Variants in PLPP2 observed in about 807,000 individuals in gnomAD.
PLPP2 encodes the protein phospholipid phosphatase 2, also known as PAP2-gamma.
A neutral mutation model predicts 35.2 loss-of-function variants in PLPP2; 29 were observed. That is an observed-to-expected ratio of 0.82 (90% CI 0.61 to 1.12). The LOEUF (loss-of-function observed/expected upper bound fraction) is 1.12. Ranked by LOEUF, PLPP2 falls within the 50% of genes most tolerant of loss-of-function variation. PLPP2 has a pLI of 0.00. For synonymous variants in PLPP2, 162 were observed against 167.0 expected (o/e 0.97, Z 0.23); for missense variants, 353 against 375.2 (o/e 0.94, Z 0.49).
intron 1 of PLPP2, chr19:290,813 C>T (rs1013330386): frequency 2.7e-6 from 2 of 745,192 alleles, no homozygotes; most frequent in Non-Finnish European, 1.8e-6. Context: ...GGTTCGAATC[C>T]CGCCGACGCA....
chr19:281,663 G>T (rs927092888), intron 5 of PLPP2, 126 bp from the exon 6 acceptor site: 17 of 908,470 alleles, frequency 1.9e-5, no homozygotes, highest in Middle Eastern at 2.9e-4. Flanking sequence ...GAAATGAGAG[G>T]AGTAGTGCCT....
Position 281,459 on chromosome 19 carries a change from T to G in PLPP2, c.796A>C (p.Ser266Arg). 6.4e-7 allele frequency: 1 copy of G among 1,560,276 alleles called. No homozygotes were observed. The highest frequency in any genetic ancestry group is 8.7e-7 in the Non-Finnish European group (1 of 1,151,782). ...LKEEELERKP[S>R]LSLTLTLGEA... is the part of the protein sequence containing the mutation. ...CCCAGGGTCAACGTCAGTGACAGGCTGGGCTTCCGTTCCAGCTCCTCCTCC... is the reference window on the plus strand; with the variant it reads ...CCCAGGGTCAACGTCAGTGACAGGCGGGGCTTCCGTTCCAGCTCCTCCTCC... Residue 266 changes from serine to arginine, a missense_variant, in exon 6 of 6, where the codon AGC becomes CGC. Coordinates refer to ENST00000434325, the MANE Select transcript of PLPP2 (RefSeq NM_003712.4).
In PLPP2 at chr19:287,440, C is replaced by A; in HGVS notation, c.482+34G>T. The A allele has an allele frequency of 6.3e-7, 1 of 1,581,672 alleles. No individual in the cohort carries two copies. The highest frequency in any genetic ancestry group is 1.1e-5 in the South Asian group (1 of 87,464). ...CCAGGGCCTTCTTCAGCTCCCATTC[C>A]CCACAAGAGTGAAGGCTGCTGGTCC... On this transcript the variant is annotated intron_variant, in intron 3 of 5. Coordinates refer to ENST00000434325, the MANE Select transcript of PLPP2 (RefSeq NM_003712.4). This position sits in a 1 kb window ranked among gnomAD's most constrained non-coding sequence, Gnocchi z 4.3.
chr19:290,919 G>A (rs1970377099), intron 1 of PLPP2: 2 of 1,224,676 alleles, frequency 1.6e-6, no homozygotes, highest in Non-Finnish European at 2.0e-6. Flanking sequence ...GTAACCCGCG[G>A]CCGCCCCCAC....
Position 288,783 on chromosome 19 carries a change from C to T in PLPP2, c.53-612G>A, listed in dbSNP as rs1026934280. Among the ~76,000 whole-genome samples the T allele has an allele frequency of 3.3e-5, 5 of 152,270 alleles. No individual in the cohort carries two copies. In the East Asian group the frequency reaches 5.8e-4, roughly 18 times the overall value. On this transcript the variant is annotated intron_variant, in intron 1 of 5. Coordinates refer to ENST00000434325, the MANE Select transcript of PLPP2 (RefSeq NM_003712.4). The stretch of plus-strand genomic sequence containing the variant: ...ACGTGTGGGACACTGGAATTGATTT[C>T]CCCCCATCCACCCACCGGCACCAGG...
intron 5 of PLPP2, among the ~76,000 whole-genome samples, chr19:281,837 G>C (rs1024207951): frequency 4.2e-5 from 6 of 143,792 alleles, no homozygotes; most frequent in South Asian, 2.4e-4. Flanking sequence ...GGGCATGGAG[G>C]GGGGTCCAGG....
chr19:290,825 C>G (rs1970375296), intron 1 of PLPP2: 12 of 816,088 alleles, frequency 1.5e-5, no homozygotes, highest in Non-Finnish European at 2.0e-5. Flanking sequence ...GCCGACGCAC[C>G]GGGTGCCAGG....
chr19:290,907 G>T, intron 1 of PLPP2: 1 of 1,216,482 alleles, frequency 8.2e-7, no homozygotes, highest in South Asian at 4.1e-5. Flanking sequence ...CGTCCTGCCG[G>T]GGTAACCCGC....
chr19:290,855 C>T, intron 1 of PLPP2: 2 of 1,029,326 alleles, frequency 1.9e-6, no homozygotes, highest in Non-Finnish European at 1.2e-6. Context: ...CAGCCCTCTC[C>T]GCGCGCAGCG....
At position 287,790 on chromosome 19, in the gene PLPP2, C is replaced by T. The variant is rs367771062; in HGVS notation, c.205-39G>A. The T allele has an allele frequency of 1.9e-6, 3 of 1,608,894 alleles. No individual in the cohort carries two copies. Among genetic ancestry groups the T allele is most frequent in the Admixed American group, 1.7e-5 (1 of 59,846 alleles). ...CGCAGGAACCAGTGGGGGTCTCGGTCGGCCCAGGGGCCCTCACTCCTCCGC... is the reference window on the plus strand; with the variant it reads ...CGCAGGAACCAGTGGGGGTCTCGGTTGGCCCAGGGGCCCTCACTCCTCCGC... On this transcript the variant is annotated intron_variant, in intron 2 of 5. Transcript: ENST00000434325. The surrounding 1 kb of genome is among the most constrained non-coding windows in gnomAD (Gnocchi z 4.3).
chr19:291,168 G>C, intron 1 of PLPP2, 117 bp downstream of exon 1: 1 of 1,515,014 alleles, frequency 6.6e-7, no homozygotes, highest in Non-Finnish European at 8.9e-7. Flanking sequence ...CCGCCTCCAG[G>C]GTCCTCGGAG....
At position 289,783 on chromosome 19, in the gene PLPP2, C is replaced by T. The variant is rs151233719; in HGVS notation, c.52+1502G>A. Among the ~76,000 whole-genome samples the T allele has an allele frequency of 3.2e-4, 48 of 152,300 alleles. No homozygotes were observed. In the East Asian group the frequency reaches 9.1e-3, roughly 29 times the overall value. On this transcript the variant is annotated intron_variant, in intron 1 of 5. Coordinates refer to ENST00000434325, the MANE Select transcript of PLPP2 (RefSeq NM_003712.4). ...AGGGCGGGATGTAAGAACCTGCCTT[C>T]TGCTCCCACACAGGAGGGGCTGGAG...
In PLPP2 at chr19:291,396, G is replaced by T; in HGVS notation, c.-60C>A. ...TCCCGTCGCGTCCCGGCCCGGCCGCGGAGTCACGTGGCGCGGAGCCCGCCC... is the reference window on the plus strand; with the variant it reads ...TCCCGTCGCGTCCCGGCCCGGCCGCTGAGTCACGTGGCGCGGAGCCCGCCC... On this transcript the variant is annotated 5_prime_UTR_variant, in exon 1 of 6. Coordinates refer to ENST00000434325, the MANE Select transcript of PLPP2 (RefSeq NM_003712.4). The T allele has an allele frequency of 1.6e-5, 24 of 1,519,318 alleles. No individual in the cohort carries two copies. Among genetic ancestry groups the T allele is most frequent in the Non-Finnish European group, 2.0e-5 (23 of 1,125,874 alleles). The allele number at this position is 1,519,318 out of a possible 1,614,324, so 94.1% of individuals were successfully genotyped here. A position where few individuals can be genotyped will look rare whatever the true frequency, so the allele number is the denominator to read the frequency against.
Position 287,723 on chromosome 19 carries a change from T to G in PLPP2, c.233A>C (p.Tyr78Ser). 1 of 1,613,778 alleles carries G rather than the reference T, an allele frequency of 6.2e-7. No individual in the cohort carries two copies. Among genetic ancestry groups the G allele is most frequent in the African/African-American group, 1.3e-5 (1 of 75,034 alleles). ...CGAGCGAGAATAGAGCCGGTCTGTG[T>G]ACACCAGGTAGGCTTCCCCGGCCGA... ...LVSAGEAYLV[Y>S]TDRLYSRSDF... Residue 78 changes from tyrosine to serine, a missense_variant, in exon 3 of 6, where the codon TAC becomes TCC. By Grantham distance (144) the Tyr-to-Ser change is moderately radical (BLOSUM62 -2). Coordinates refer to ENST00000434325, the MANE Select transcript of PLPP2 (RefSeq NM_003712.4). The surrounding 1 kb of genome is among the most constrained non-coding windows in gnomAD (Gnocchi z 4.3).
In PLPP2 at chr19:282,317, TG is replaced by T; in HGVS notation, c.541-8del. 1 of 1,611,730 alleles carries T rather than the reference TG, an allele frequency of 6.2e-7. No homozygotes were observed. Among genetic ancestry groups the T allele is most frequent in the East Asian group, 2.2e-5 (1 of 44,594 alleles). On this transcript the variant is annotated splice_region_variant and splice_polypyrimidine_tract_variant and intron_variant, in intron 4 of 5. Transcript: ENST00000434325. ...GTCGTGCCTGCACATACAGCTGGAG[TG>T]GGGAGAGGACGTGTTAGCCTGTGCA... is the stretch of plus-strand genomic sequence containing the variant.
At chr19:282,948 T>C (rs1000532815) in intron 3 of PLPP2, 139 bp from the exon 4 acceptor site, 3 of 712,510 alleles carry the variant, frequency 4.2e-6, no homozygotes, top group African/African-American at 3.6e-5. Context: ...CAGAAACTGT[T>C]CCCCTTTTCT....
In PLPP2 at chr19:282,867, C is replaced by T. The variant is rs1032443187; in HGVS notation, c.483-58G>A. 13 of 1,516,398 alleles carry T rather than the reference C, an allele frequency of 8.6e-6. No homozygotes were observed. In the African/African-American group the frequency reaches 1.1e-4, roughly 13 times the overall value. 93.9% of individuals were successfully genotyped at this position (1,516,398 alleles called of 1,614,324 possible). On this transcript the variant is annotated intron_variant, in intron 3 of 5. Transcript: ENST00000434325. ...AGCGCCTTCCAACCTCCCCCTTGTC[C>T]CCGCCCCGCCCACAGAAGGGAGGGC...
rs575754411 is a variant in PLPP2 at position 285,655 on chromosome 19, G to GA, written c.482+1818dup. The GA allele has an allele frequency of 7.4e-3, 998 of 134,496 alleles. 8 individuals carry two copies. The highest frequency in any genetic ancestry group is 0.024 in the African/African-American group (875 of 36,822). The allele number at this position is 134,496 out of a possible 1,614,324, so 8.3% of individuals were successfully genotyped here. ...CATTATTCAGCCTGGCCGAAAAAAA[G>GA]AAAAAAAAAAAAGATTATTCAGCCT... is the stretch of plus-strand genomic sequence containing the variant. On this transcript the variant is annotated intron_variant, in intron 3 of 5. Transcript: ENST00000434325.
chr19:283,236 A>G (rs1251157140), intron 3 of PLPP2: 1 of 160,750 alleles, frequency 6.2e-6, no homozygotes, highest in Non-Finnish European at 1.4e-5. Flanking sequence ...ATTTTTAAAA[A>G]TGGCAAAAAA....
Sources: allele counts gnomAD v4.1 joint callset (sites outside exome capture counted in the v4.1 genomes callset), GRCh38; gene constraint gnomAD v4.1.1; non-coding constraint Gnocchi (gnomAD v3.1); transcripts MANE v1.5; gene names NCBI Gene and HGNC (gene_info 2026-07-23, HGNC 2026-07-21).